Variants in PTGER3 observed in about 807,000 individuals in gnomAD.
The protein encoded by PTGER3 is prostaglandin E2 receptor EP3 subtype.
Under a neutral mutation model 34.7 loss-of-function variants are expected in PTGER3, and 22 were observed. The ratio of observed to expected loss-of-function variants is 0.63; its 90% CI spans 0.45 to 0.91. The LOEUF is 0.91. Among genes scored for constraint, PTGER3 ranks in the 40% least tolerant of loss-of-function variants. The pLI, the probability that PTGER3 is intolerant of heterozygous loss-of-function variation, is 0.00. For missense variants in PTGER3, 468 were observed against 519.4 expected (o/e 0.90, Z 0.96); for synonymous variants, 241 against 230.1 (o/e 1.05, Z -0.43).
At chr1:71,026,452 A>T (rs8179367) in intron 1 of PTGER3, among the ~76,000 whole-genome samples, 12 of 151,912 alleles carry the variant, frequency 7.9e-5, no homozygotes, top group Non-Finnish European at 1.8e-4. Context: ...AGGAAATCGG[A>T]CTTTAAAAAC....
intron 4 of PTGER3, among the ~76,000 whole-genome samples, chr1:70,944,190 G>T (rs1572715972): frequency 1.3e-5 from 2 of 152,078 alleles, no homozygotes; most frequent in Admixed American, 1.3e-4. Flanking sequence ...AGTCTATAAA[G>T]CTCATTAGGG....
intron 4 of PTGER3, among the ~76,000 whole-genome samples, chr1:70,905,795 G>T (rs1557645056): frequency 6.6e-6 from 1 of 152,132 alleles, no homozygotes; most frequent in Non-Finnish European, 1.5e-5. Context: ...AATGAGTTAA[G>T]ACTTTGGGGG....
At chr1:70,924,162 T>TA (rs984716247) in intron 4 of PTGER3, among the ~76,000 whole-genome samples, 9 of 151,046 alleles carry the variant, frequency 6.0e-5, no homozygotes, top group South Asian at 4.2e-4. Flanking sequence ...GGGCTTGGCT[T>TA]AAAAAAAAAG....
intron 2 of PTGER3, among the ~76,000 whole-genome samples, chr1:70,994,408 G>A (rs1411931691): frequency 6.6e-6 from 1 of 152,036 alleles, no homozygotes; most frequent in Non-Finnish European, 1.5e-5. Context: ...AACTATTTAC[G>A]GAAACATGTA....
chr1:71,036,356 T>C (rs996910418), intron 1 of PTGER3, among the ~76,000 whole-genome samples: 2 of 151,964 alleles, frequency 1.3e-5, no homozygotes, highest in Non-Finnish European at 2.9e-5. Flanking sequence ...AAAAGAAAAC[T>C]TAGAGAAAGG....
chr1:70,910,329 T>G (rs1647034730), intron 4 of PTGER3, among the ~76,000 whole-genome samples: 1 of 152,196 alleles, frequency 6.6e-6, no homozygotes, highest in Non-Finnish European at 1.5e-5. Flanking sequence ...TCAACATATG[T>G]GCCATAATCT....
intron 4 of PTGER3, among the ~76,000 whole-genome samples, chr1:70,912,928 T>C (rs139838151): frequency 1.5e-3 from 224 of 152,134 alleles, no homozygotes; most frequent in African/African-American, 3.4e-3. Flanking sequence ...TGGAGTCAAG[T>C]AGTATAAGTC....
chr1:71,028,995 T>A (rs568682799), intron 1 of PTGER3, among the ~76,000 whole-genome samples: 1 of 152,340 alleles, frequency 6.6e-6, no homozygotes, highest in Admixed American at 6.5e-5. Context: ...ATTTATCATC[T>A]GTGGCCTTAA....
At chr1:70,958,000 C>A (rs2100614771) in intron 2 of PTGER3, among the ~76,000 whole-genome samples, 1 of 152,208 alleles carries the variant, frequency 6.6e-6, no homozygotes, top group Non-Finnish European at 1.5e-5. Context: ...GTTGCTTCAA[C>A]TGACATGATT....
chr1:70,875,084 C>T (rs1032268838), intron 4 of PTGER3, among the ~76,000 whole-genome samples: 1 of 152,172 alleles, frequency 6.6e-6, no homozygotes, highest in East Asian at 1.9e-4. Context: ...TGTTTTAAAC[C>T]TCATTCCAAT....
chr1:71,025,989 C>A (rs1658893369), intron 1 of PTGER3, among the ~76,000 whole-genome samples: 1 of 152,092 alleles, frequency 6.6e-6, no homozygotes, highest in East Asian at 1.9e-4. Context: ...TGTGATTACT[C>A]CCCCCTTGCT....
intron 2 of PTGER3, among the ~76,000 whole-genome samples, chr1:70,994,407 C>T (rs905224181): frequency 2.6e-5 from 4 of 151,936 alleles, no homozygotes; most frequent in Admixed American, 6.6e-5. Flanking sequence ...TAACTATTTA[C>T]GGAAACATGT....
Position 71,047,385 on chromosome 1 carries a change from C to T in PTGER3, c.193G>A (p.Gly65Ser), listed in dbSNP as rs1660945374. Reference sequence around the variant, plus strand: ...ACGAGCAGCATGGCCAGTGCGTTGCCCACGAAACCAGTGAGCAGCATGGTG... The same window carrying T: ...ACGAGCAGCATGGCCAGTGCGTTGCTCACGAAACCAGTGAGCAGCATGGTG... Reference protein sequence around the residue: ...PITMLLTGFVGNALAMLLVSR... With the variant: ...PITMLLTGFVSNALAMLLVSR... Residue 65 changes from glycine (G) to serine (S), a missense_variant, in exon 1 of 4, where the codon GGC (glycine) becomes AGC (serine). By Grantham distance (56) the Gly-to-Ser change is moderately conservative. Around this residue, in one of 5 missense-constraint regions of PTGER3, gnomAD observed 151 missense variants for 133.5 expected, o/e 1.13. Transcript: ENST00000306666. 1 of 1,611,436 alleles carries T rather than the reference C, an allele frequency of 6.2e-7. No homozygotes were observed. Among genetic ancestry groups the T allele is most frequent in the Non-Finnish European group, 8.5e-7 (1 of 1,179,518 alleles).
intron 4 of PTGER3, among the ~76,000 whole-genome samples, chr1:70,875,026 A>G (rs977232204): frequency 6.6e-6 from 1 of 152,242 alleles, no homozygotes; most frequent in African/African-American, 2.4e-5. Flanking sequence ...ACATTTCACC[A>G]GGCAACTATT....
intron 3 of PTGER3, among the ~76,000 whole-genome samples, chr1:70,972,655 A>T (rs536628813): frequency 7.9e-5 from 12 of 152,280 alleles, no homozygotes; most frequent in East Asian, 1.9e-4. Flanking sequence ...AGTAAGCTAC[A>T]GTGTATTATT....
Position 70,937,554 on chromosome 1 carries a change from G to A in PTGER3, c.*23+16209C>T, listed in dbSNP as rs75424033. 8.5e-3 allele frequency among the ~76,000 whole-genome samples: 1,291 copies of A among 152,242 alleles called. 50 individuals are homozygous for A. Among genetic ancestry groups the A allele is most frequent in the Admixed American group, 0.064 (979 of 15,286 alleles). On this transcript the variant is annotated intron_variant, in intron 4 of 4. Coordinates refer to the PTGER3 transcript ENST00000370931. ...CTGAGAAAATCAAAAGGAATAGTTA[G>A]GTGAAGAAGATCCTGAGAATTTGGA...
At position 70,971,751 on chromosome 1, in the gene PTGER3, G is replaced by A; in HGVS notation, c.1170-18C>T. 6.6e-7 allele frequency: 1 copy of A among 1,505,708 alleles called. No individual in the cohort carries two copies. Among genetic ancestry groups the A allele is most frequent in the Non-Finnish European group, 9.0e-7 (1 of 1,105,784 alleles). 93.3% of individuals were successfully genotyped at this position (1,505,708 alleles called of 1,614,324 possible). A position where few individuals can be genotyped will look rare whatever the true frequency, so the allele number is the denominator to read the frequency against. The stretch of plus-strand genomic sequence containing the variant: ...TTCATTATCTGTTAGAATAGAGAGA[G>A]AAAGATGCAATAAGCATGGATGGGG... On this transcript the variant is annotated intron_variant, in intron 3 of 3. Coordinates refer to ENST00000306666, the MANE Select transcript of PTGER3 (RefSeq NM_198719.2).
intron 4 of PTGER3, among the ~76,000 whole-genome samples, chr1:70,900,648 C>G (rs772031087): frequency 6.6e-6 from 1 of 152,158 alleles, no homozygotes; most frequent in Non-Finnish European, 1.5e-5. Flanking sequence ...ATGTATGCAG[C>G]TTGGCACGTC....
chr1:70,911,937 T>G (rs959953004), intron 4 of PTGER3, among the ~76,000 whole-genome samples: 3 of 152,278 alleles, frequency 2.0e-5, no homozygotes, highest in Middle Eastern at 3.4e-3. Flanking sequence ...TAAAATTTTT[T>G]GTACTTTCGT....
Sources: allele counts gnomAD v4.1 joint callset (sites outside exome capture counted in the v4.1 genomes callset), GRCh38; gene constraint gnomAD v4.1.1; regional missense constraint gnomAD v4.1.1; transcripts MANE v1.5; gene names NCBI Gene and HGNC (gene_info 2026-07-23, HGNC 2026-07-21).